The following HNRNPAB variants were observed in gnomAD, a reference collection of about 807,000 sequenced individuals.
HNRNPAB encodes the protein heterogeneous nuclear ribonucleoprotein A/B, also known as ABBP-1.
In HNRNPAB, 17 loss-of-function variants were observed where a neutral mutation model predicts 44.1. That is an observed-to-expected ratio of 0.39 (90% CI 0.26 to 0.58). The LOEUF (loss-of-function observed/expected upper bound fraction) is 0.58, where lower values mean the gene tolerates loss of function less well. Among genes scored for constraint, HNRNPAB ranks in the 20% least tolerant of loss-of-function variants. The probability of loss-of-function intolerance (pLI) is 0.63; values close to 1 mark genes in which losing one functional copy is unlikely to be tolerated. For synonymous variants in HNRNPAB, 183 were observed against 167.6 expected, an observed-to-expected ratio of 1.09 and a Z score of -0.71; for missense variants, 393 against 432.7, an observed-to-expected ratio of 0.91 and a Z score of 0.81.
chr5:178,209,979 G>A (rs1427098197), intron 6 of HNRNPAB, among the ~76,000 whole-genome samples, 153 bp from the exon 7 acceptor site: 8 of 100,094 alleles, frequency 8.0e-5, no homozygotes, highest in Non-Finnish European at 6.0e-5. Context: ...GCAGGGTTGG[G>A]CCCAGGGCCC....
At chr5:178,205,642 C>T in intron 2 of HNRNPAB, 200 bp from the exon 3 acceptor site, 1 of 557,256 alleles carries the variant, frequency 1.8e-6, no homozygotes, top group South Asian at 2.4e-5. Flanking sequence ...GCTGGGGCTG[C>T]AGAGCCTTGT....
chr5:178,210,420 G>T (rs1030372735), intron 7 of HNRNPAB, 133 bp from the exon 8 acceptor site: 2 of 1,531,450 alleles, frequency 1.3e-6, no homozygotes, highest in African/African-American at 1.4e-5. Context: ...CTTAGACTTC[G>T]GGGTCTTAAT....
chr5:178,210,753 C>G lies in HNRNPAB; in HGVS notation c.*130C>G, dbSNP rs915670561. 8.2e-6 allele frequency: 6 copies of G among 730,842 alleles called. No homozygotes were observed. In the Admixed American group the frequency reaches 8.4e-5, roughly 10 times the overall value. The allele number at this position is 730,842 out of a possible 1,614,324, so 45.3% of individuals were successfully genotyped here. On this transcript the variant is annotated 3_prime_UTR_variant, in exon 8 of 8. Transcript: ENST00000358344. ...CCCATGTGCATCTTATTTAAAATTTCCCCCATGGAAATCACTCTCCTGTTG... is the reference window on the plus strand; with the variant it reads ...CCCATGTGCATCTTATTTAAAATTTGCCCCATGGAAATCACTCTCCTGTTG...
At position 178,210,683 on chromosome 5, in the gene HNRNPAB, A is replaced by C; in HGVS notation, c.*60A>C. 1 of 1,292,888 alleles carries C rather than the reference A, an allele frequency of 7.7e-7. No homozygotes were observed. Among genetic ancestry groups the C allele is most frequent in the East Asian group, 2.3e-5 (1 of 43,162 alleles). The allele number at this position is 1,292,888 out of a possible 1,614,324, so 80.1% of individuals were successfully genotyped here. Reference sequence around the variant, plus strand: ...TGCTTTGTTTGGATATGGAGTGAACACAATTATGTACCAAATTTAACTTGG... The same window carrying C: ...TGCTTTGTTTGGATATGGAGTGAACCCAATTATGTACCAAATTTAACTTGG... On this transcript the variant is annotated 3_prime_UTR_variant, in exon 8 of 8. Coordinates refer to ENST00000358344, the MANE Select transcript of HNRNPAB (RefSeq NM_031266.3).
intron 2 of HNRNPAB, 98 bp downstream of exon 2, chr5:178,205,144 G>C (rs1308713475): frequency 1.1e-6 from 1 of 890,872 alleles, no homozygotes; most frequent in Non-Finnish European, 1.4e-6. Flanking sequence ...GCCTGGCCCG[G>C]GTCGGGGCTG....
intron 6 of HNRNPAB, 79 bp from the exon 7 acceptor site, chr5:178,210,053 A>C: frequency 6.4e-7 from 1 of 1,572,018 alleles, no homozygotes; most frequent in African/African-American, 1.4e-5. Flanking sequence ...CTGCCACCCC[A>C]AAGGGCAGGA....
At position 178,209,838 on chromosome 5, in the gene HNRNPAB, C is replaced by T. The variant is rs1344804108; in HGVS notation, c.788-294C>T. 3.3e-5 allele frequency among the ~76,000 whole-genome samples: 5 copies of T among 152,138 alleles called. No homozygotes were observed. In the East Asian group the frequency reaches 9.6e-4, roughly 29 times the overall value. On this transcript the variant is annotated intron_variant, in intron 6 of 7. Coordinates refer to ENST00000358344, the MANE Select transcript of HNRNPAB (RefSeq NM_031266.3). ...CCCTCTGACTCCAAAGCCTGAACTG[C>T]ATCTTTTTAAAGGCTAAGCTGCCAA...
At position 178,207,211 on chromosome 5, in the gene HNRNPAB, G is replaced by A; in HGVS notation, c.655G>A (p.Val219Ile). The change falls in exon 5 of 8, where the codon GTC becomes ATC. Residue 219 changes from valine to isoleucine, a missense_variant. Val to Ile is a conservative substitution (Grantham distance 29, BLOSUM62 3). Coordinates refer to ENST00000358344, the MANE Select transcript of HNRNPAB (RefSeq NM_031266.3). ...KKVLEKKFHT[V>I]SGSKCEIKVA... The stretch of plus-strand genomic sequence containing the variant: ...GGTTCTGGAGAAAAAGTTCCATACT[G>A]TCAGTGGAAGCAAGGTAAGGTGTTC... 5.0e-6 allele frequency: 8 copies of A among 1,614,190 alleles called. No homozygotes were observed. Among genetic ancestry groups the A allele is most frequent in the Non-Finnish European group, 6.8e-6 (8 of 1,180,016 alleles).
chr5:178,204,822 C>T lies in HNRNPAB; in HGVS notation c.-16C>T, dbSNP rs1756978057. ...TGTCGCCGCTGGTTGCAGGAGCCGC[C>T]GCGCCTCGGCCTAGCATGTCGGAAG... On this transcript the variant is annotated 5_prime_UTR_variant, in exon 2 of 8. Transcript: ENST00000358344. 8.2e-7 allele frequency: 1 copy of T among 1,215,368 alleles called. No homozygotes were observed. The highest frequency in any genetic ancestry group is 3.4e-5 in the East Asian group (1 of 29,662). 75.3% of individuals were successfully genotyped at this position (1,215,368 alleles called of 1,614,324 possible). A position where few individuals can be genotyped will look rare whatever the true frequency, so the allele number is the denominator to read the frequency against.
At chr5:178,204,789 T>C in intron 1 of HNRNPAB, 26 bp from the exon 2 acceptor site, 1 of 1,162,352 alleles carries the variant, frequency 8.6e-7, no homozygotes, top group Non-Finnish European at 1.1e-6. Flanking sequence ...CGCGCCGGCC[T>C]GACGCGCTGT....
At chr5:178,207,024 C>A in intron 4 of HNRNPAB, 70 bp from the exon 5 acceptor site, 2 of 1,594,648 alleles carry the variant, frequency 1.3e-6, no homozygotes, top group Non-Finnish European at 1.7e-6. Flanking sequence ...GGGGTCTTTT[C>A]TCCTGTGAGT....
intron 5 of HNRNPAB, chr5:178,208,403 C>T (rs900998864): frequency 6.6e-6 from 1 of 152,148 alleles, no homozygotes; most frequent in African/African-American, 2.4e-5. Context: ...GCCTTTTTCT[C>T]TATGTGCCAT....
At chr5:178,206,446 TC>T (rs1757061810) in intron 3 of HNRNPAB, among the ~76,000 whole-genome samples, 1 of 152,128 alleles carries the variant, frequency 6.6e-6, no homozygotes, top group Non-Finnish European at 1.5e-5. Context: ...CAGCCTATGC[TC>T]CGAGTCCCTG....
At chr5:178,206,395 T>C (rs1049410656) in intron 3 of HNRNPAB, among the ~76,000 whole-genome samples, 1 of 152,152 alleles carries the variant, frequency 6.6e-6, no homozygotes. Flanking sequence ...TCACAGCTAG[T>C]AGGGAGTGGA....
At chr5:178,205,410 G>C (rs758680775) in intron 2 of HNRNPAB, among the ~76,000 whole-genome samples, 1 of 152,136 alleles carries the variant, frequency 6.6e-6, no homozygotes, top group Non-Finnish European at 1.5e-5. Context: ...GGCGCGAGCC[G>C]GGGCCCGGAC....
Position 178,209,459 on chromosome 5 carries a change from G to A in HNRNPAB, c.787+12G>A, listed in dbSNP as rs774619236. ...TGGTGGAGGTGGAGGTGAGTGGAAC[G>A]TGGATGAAGATAGGTCCTGTTTCCC... On this transcript the variant is annotated intron_variant, in intron 6 of 7. Transcript: ENST00000358344. 1.1e-5 allele frequency: 17 copies of A among 1,608,856 alleles called. No individual in the cohort carries two copies. Among genetic ancestry groups the A allele is most frequent in the African/African-American group, 2.7e-5 (2 of 74,834 alleles).
At position 178,210,197 on chromosome 5, in the gene HNRNPAB, G is replaced by A. The variant is rs762545928; in HGVS notation, c.853G>A (p.Gly285Ser). 1 of 1,613,220 alleles carries A rather than the reference G, an allele frequency of 6.2e-7. No individual in the cohort carries two copies. The highest frequency in any genetic ancestry group is 1.1e-5 in the South Asian group (1 of 91,064). ...YWNQGYGYQQ[G>S]YGPGYGGYDY... ...GAACCAGGGCTACGGCTACCAGCAGGGCTACGGGCCTGGCTATGGCGGCTA... is the reference window on the plus strand; with the variant it reads ...GAACCAGGGCTACGGCTACCAGCAGAGCTACGGGCCTGGCTATGGCGGCTA... Residue 285 changes from glycine (G) to serine (S), a missense_variant, in exon 7 of 8, where the codon GGC (glycine) becomes AGC (serine). Around this residue, in one of 3 missense-constraint regions of HNRNPAB, gnomAD observed 210 missense variants for 196.9 expected, o/e 1.07. Transcript: ENST00000358344.
chr5:178,206,230 T>C (rs528107940), intron 3 of HNRNPAB, among the ~76,000 whole-genome samples: 1 of 152,342 alleles, frequency 6.6e-6, no homozygotes, highest in Non-Finnish European at 1.5e-5. Flanking sequence ...AAGATGACAG[T>C]TGACATTCAT....
intron 6 of HNRNPAB, among the ~76,000 whole-genome samples, chr5:178,209,809 A>T (rs1277983447): frequency 6.6e-6 from 1 of 152,166 alleles, no homozygotes; most frequent in East Asian, 1.9e-4. Context: ...CTTCCATCCC[A>T]GGCCCCTCTG....
Sources: gnomAD v4.1 joint callset for allele counts (sites outside exome capture counted in the v4.1 genomes callset) on GRCh38, gnomAD v4.1.1 for gene constraint, gnomAD v4.1.1 regional missense constraint, MANE v1.5 for transcripts, NCBI Gene and HGNC (gene_info 2026-07-23, HGNC 2026-07-21) for gene names.